Variants in SLC4A5 observed in about 807,000 individuals in gnomAD.
The protein encoded by SLC4A5 is solute carrier family 4 member 5, also known as electrogenic sodium bicarbonate cotransporter 4.
Under a neutral mutation model 120.4 loss-of-function variants are expected in SLC4A5, and 96 were observed. The observed-to-expected ratio is 0.80, with a 90% CI of 0.68 to 0.94. The LOEUF is 0.94. SLC4A5 is among the 40% of genes least tolerant of loss of function. The pLI, the probability that SLC4A5 is intolerant of heterozygous loss-of-function variation, is 0.00. For missense variants in SLC4A5, 1,259 were observed against 1,459.5 expected, an observed-to-expected ratio of 0.86 and a Z score of 2.24; for synonymous variants, 550 against 571.1, an observed-to-expected ratio of 0.96 and a Z score of 0.53.
chr2:74,228,689 G>C (rs1329244328), intron 25 of SLC4A5, among the ~76,000 whole-genome samples: 1 of 50,602 alleles, frequency 2.0e-5, no homozygotes, highest in African/African-American at 4.5e-5. Flanking sequence ...AAAAAAAACA[G>C]AAATCATGCC....
intron 12 of SLC4A5, among the ~76,000 whole-genome samples, chr2:74,259,227 C>T (rs1264168474): frequency 6.6e-6 from 1 of 152,162 alleles, no homozygotes; most frequent in African/African-American, 2.4e-5. Flanking sequence ...TCTGCCAGCC[C>T]CAGTCCCTAT....
chr2:74,237,266 G>A (rs1670299217), intron 21 of SLC4A5, among the ~76,000 whole-genome samples: 1 of 152,184 alleles, frequency 6.6e-6, no homozygotes, highest in Non-Finnish European at 1.5e-5. Context: ...GTGAGCCACT[G>A]TGCCTGGCCC....
intron 3 of SLC4A5, among the ~76,000 whole-genome samples, chr2:74,336,422 G>C (rs895271157): frequency 6.6e-6 from 1 of 152,116 alleles, no homozygotes; most frequent in African/African-American, 2.4e-5. Context: ...TTAAGAGCAG[G>C]AGATCACATG....
At chr2:74,289,293 T>G (rs1672083767) in intron 7 of SLC4A5, among the ~76,000 whole-genome samples, 1 of 152,130 alleles carries the variant, frequency 6.6e-6, no homozygotes, top group African/African-American at 2.4e-5. Flanking sequence ...TGTATTTAAA[T>G]GAATTTTAAA....
At chr2:74,232,476 C>G in exon 24 of SLC4A5, 1 of 1,613,932 alleles carries the variant, frequency 6.2e-7, no homozygotes, top group Non-Finnish European at 8.5e-7. Flanking sequence ...TACCTGACTC[C>G]CAGAAACTGG....
intron 9 of SLC4A5, 86 bp from the exon 10 acceptor site, chr2:74,264,385 G>A (rs1573041722): frequency 6.9e-7 from 1 of 1,458,902 alleles, no homozygotes. Context: ...GTTATTAGTG[G>A]GATTAAATGT....
rs545242966 is a variant in SLC4A5 at position 74,296,384 on chromosome 2, C to T, written c.271+8105G>A. On this transcript the variant is annotated intron_variant, in intron 7 of 30. Transcript: ENST00000394019. ...CCTTTTCTCTTTTCTCACTTCTCCC[C>T]TCTTCACCACTTCCTTCAAGATCCA... Among the ~76,000 whole-genome samples the T allele has an allele frequency of 4.6e-5, 7 of 152,090 alleles. No individual in the cohort carries two copies. The South Asian group carries it at 1.5e-3, about 32-fold the overall frequency.
chr2:74,240,021 T>TTATATATACATATATAAATTTATA (rs1401302159), intron 20 of SLC4A5, among the ~76,000 whole-genome samples: 68 of 148,056 alleles, frequency 4.6e-4, no homozygotes, highest in Non-Finnish European at 7.9e-4. Flanking sequence ...ATAAATTTAT[T>TTATATATACATATATAAATTTATA]TATATATACA....
chr2:74,242,132 T>G, intron 19 of SLC4A5, 80 bp from the exon 20 acceptor site: 2 of 1,327,328 alleles, frequency 1.5e-6, no homozygotes, highest in African/African-American at 1.5e-5. Context: ...TCCCATCTCC[T>G]TCCAGTTCCT....
chr2:74,230,273 T>C (rs140946976), intron 25 of SLC4A5, among the ~76,000 whole-genome samples: 8 of 152,212 alleles, frequency 5.3e-5, no homozygotes, highest in South Asian at 2.1e-4. Flanking sequence ...TGATGGGCGA[T>C]TGGCTGGAGT....
intron 17 of SLC4A5, 83 bp from the exon 18 acceptor site, chr2:74,248,569 A>C: frequency 2.0e-6 from 3 of 1,513,096 alleles, no homozygotes; most frequent in South Asian, 1.2e-5. Flanking sequence ...CGATCTCTCC[A>C]CGGGCCCAGG....
At chr2:74,254,907 C>T (rs2104003541) in intron 13 of SLC4A5, among the ~76,000 whole-genome samples, 1 of 151,974 alleles carries the variant, frequency 6.6e-6, no homozygotes, top group Admixed American at 6.5e-5. Flanking sequence ...GCAACCTCCA[C>T]CTCCTAGGCT....
chr2:74,307,229 G>C, intron 6 of SLC4A5: 1 of 524,366 alleles, frequency 1.9e-6, no homozygotes, highest in Non-Finnish European at 3.5e-6. Context: ...GCTCCTCTCG[G>C]CTCTTCTGAG....
intron 28 of SLC4A5, among the ~76,000 whole-genome samples, chr2:74,224,499 C>A (rs978548017): frequency 6.6e-6 from 1 of 152,214 alleles, no homozygotes; most frequent in South Asian, 2.1e-4. Context: ...GTCTTCATAA[C>A]CTCCTTCCAT....
chr2:74,296,538 G>A (rs1332831435), intron 7 of SLC4A5, among the ~76,000 whole-genome samples: 1 of 150,502 alleles, frequency 6.6e-6, no homozygotes, highest in Non-Finnish European at 1.5e-5. Flanking sequence ...CGAGGCAGGT[G>A]GATCACTTGA....
chr2:74,227,443 A>G, intron 26 of SLC4A5: 1 of 1,555,962 alleles, frequency 6.4e-7, no homozygotes, highest in East Asian at 2.3e-5. Context: ...CACAGTAAAT[A>G]CAGAACAAAA....
rs137927905 is a variant in SLC4A5, at chr2:74,285,902, C to T, written c.272G>A (p.Arg91Gln). 3.6e-5 allele frequency: 58 copies of T among 1,593,878 alleles called. No homozygotes were observed. Among genetic ancestry groups the T allele is most frequent in the Non-Finnish European group, 4.8e-5 (56 of 1,170,074 alleles). The change falls in exon 8 of 31, where the codon CGG (arginine) becomes CAG (glutamine). Residue 91 changes from arginine to glutamine, a missense_variant and splice_region_variant. Transcript: ENST00000394019. ...CTGGAGCTGCTCAGCAGCTGGGGAC[C>T]CTGCAAAAGAGGGGCAGCAGGTCTG...
At chr2:74,247,344 A>G (rs1363036466) in intron 18 of SLC4A5, 37 bp from the exon 19 acceptor site, 1 of 1,592,034 alleles carries the variant, frequency 6.3e-7, no homozygotes, top group Non-Finnish European at 8.6e-7. Context: ...CCTCCAGCCC[A>G]GGGCTCCTGG....
At chr2:74,248,473 C>G in exon 18 of SLC4A5, 2 of 1,614,082 alleles carry the variant, frequency 1.2e-6, no homozygotes, top group East Asian at 4.5e-5. Flanking sequence ...GCCCAGGAAG[C>G]TCTCCATCAC....
Sources: gnomAD v4.1 joint callset for allele counts (sites outside exome capture counted in the v4.1 genomes callset) on GRCh38, gnomAD v4.1.1 for gene constraint, MANE v1.5 for transcripts, NCBI Gene and HGNC (gene_info 2026-07-23, HGNC 2026-07-21) for gene names.